THSD7B: variants seen among roughly 807,000 people sequenced by gnomAD.
The protein encoded by THSD7B is thrombospondin type-1 domain-containing protein 7B.
In THSD7B, 138 loss-of-function variants were observed where a neutral mutation model predicts 213.6. The ratio of observed to expected loss-of-function variants is 0.65; its 90% CI spans 0.56 to 0.74. THSD7B has a LOEUF of 0.74. Ranked by LOEUF, THSD7B falls within the 30% of genes least tolerant of loss-of-function variation. The probability of loss-of-function intolerance (pLI) is 0.00; values close to 1 mark genes in which losing one functional copy is unlikely to be tolerated. For synonymous variants in THSD7B, 742 were observed against 687.0 expected (o/e 1.08, Z -1.25); for missense variants, 1,931 against 1,991.5 (o/e 0.97, Z 0.58).
intron 1 of THSD7B, among the ~76,000 whole-genome samples, chr2:136,809,448 G>A (rs1413471604): frequency 3.9e-5 from 6 of 152,164 alleles, no homozygotes; most frequent in African/African-American, 1.4e-4. Context: ...GCTTGGTCTT[G>A]TTGAAGTTGG....
At chr2:137,429,543 TATG>T (rs1687130117) in intron 14 of THSD7B, among the ~76,000 whole-genome samples, 1 of 152,320 alleles carries the variant, frequency 6.6e-6, no homozygotes, top group Admixed American at 6.5e-5. Flanking sequence ...GAGAATCACT[TATG>T]ATAGGAATAG....
At chr2:137,559,119 C>G (rs1434834392) in intron 15 of THSD7B, among the ~76,000 whole-genome samples, 26 of 152,050 alleles carry the variant, frequency 1.7e-4, no homozygotes, top group Admixed American at 3.9e-4. Flanking sequence ...GAATCAATAT[C>G]GTGAAAATGG....
At chr2:137,097,297 C>T (rs1450377251) in intron 4 of THSD7B, among the ~76,000 whole-genome samples, 1 of 152,134 alleles carries the variant, frequency 6.6e-6, no homozygotes, top group African/African-American at 2.4e-5. Flanking sequence ...GCTAAGAAAA[C>T]TGAACTACAT....
At chr2:137,347,600 A>T (rs1380898148) in intron 12 of THSD7B, among the ~76,000 whole-genome samples, 9 of 148,684 alleles carry the variant, frequency 6.1e-5, no homozygotes, top group Non-Finnish European at 1.0e-4. Flanking sequence ...GAAGCAGTAG[A>T]GCATAAGGAA....
Position 136,917,032 on chromosome 2 carries a change from C to G in THSD7B, c.139+34715C>G, listed in dbSNP as rs192085238. 1.1e-4 allele frequency among the ~76,000 whole-genome samples: 17 copies of G among 152,294 alleles called. No individual in the cohort carries two copies. In the East Asian group the frequency reaches 3.3e-3, roughly 29 times the overall value. ...TAGAAATACCTAGAAAAATAGCATT[C>G]AAATTGATACTGGTTTTATCAGTCT... On this transcript the variant is annotated intron_variant, in intron 2 of 27. Transcript: ENST00000409968.
intron 17 of THSD7B, among the ~76,000 whole-genome samples, chr2:137,610,315 G>A (rs1251790547): frequency 1.3e-5 from 2 of 152,072 alleles, no homozygotes; most frequent in African/African-American, 2.4e-5. Flanking sequence ...GATGCTGCTG[G>A]TCCTGGGACC....
chr2:137,295,801 C>T (rs965754908), intron 12 of THSD7B, among the ~76,000 whole-genome samples: 3 of 152,092 alleles, frequency 2.0e-5, no homozygotes, highest in East Asian at 1.9e-4. Context: ...AGTAGAATTT[C>T]CCTGCTTATT....
At chr2:137,498,889 C>T (rs1679636376) in intron 15 of THSD7B, among the ~76,000 whole-genome samples, 1 of 152,176 alleles carries the variant, frequency 6.6e-6, no homozygotes, top group Non-Finnish European at 1.5e-5. Flanking sequence ...TCAGGAATCT[C>T]ATGGAGACCT....
chr2:136,839,823 A>C (rs1296898733), intron 1 of THSD7B, among the ~76,000 whole-genome samples: 6 of 152,170 alleles, frequency 3.9e-5, no homozygotes, highest in African/African-American at 1.4e-4. Context: ...TTTTAAATCA[A>C]AGAAATTAGT....
chr2:137,052,448 G>GT (rs551531778), intron 2 of THSD7B, among the ~76,000 whole-genome samples: 78 of 151,574 alleles, frequency 5.1e-4, no homozygotes, highest in African/African-American at 1.8e-3. Context: ...CTTGGTGTCT[G>GT]TTTTTTTCAC....
chr2:137,609,259 C>T (rs778759166), intron 17 of THSD7B, among the ~76,000 whole-genome samples: 13 of 151,770 alleles, frequency 8.6e-5, no homozygotes, highest in Non-Finnish European at 1.8e-4. Context: ...ACCAGAAGCA[C>T]CAAATTAATA....
At chr2:136,826,896 T>C (rs1264726369) in intron 1 of THSD7B, among the ~76,000 whole-genome samples, 1 of 152,230 alleles carries the variant, frequency 6.6e-6, no homozygotes, top group Non-Finnish European at 1.5e-5. Context: ...ATAATCTCTA[T>C]GTCTGTGTAG....
rs548386111 is a variant in THSD7B, at chr2:137,340,912, A to G, written c.2501-64701A>G. Among the ~76,000 whole-genome samples the G allele has an allele frequency of 1.6e-4, 24 of 151,432 alleles. No individual in the cohort carries two copies. In the South Asian group the frequency reaches 2.3e-3, roughly 14 times the overall value. ...GGGAGTGTGGACATCTCTTCAATAA[A>G]CTGATCTTAAGTCTTTTGGATAAAT... is the stretch of plus-strand genomic sequence containing the variant. On this transcript the variant is annotated intron_variant, in intron 12 of 27. Transcript: ENST00000409968.
At chr2:137,056,037 A>G (rs1318908349) in intron 2 of THSD7B, among the ~76,000 whole-genome samples, 7 of 152,218 alleles carry the variant, frequency 4.6e-5, no homozygotes, top group African/African-American at 1.7e-4. Context: ...ATATTGAGTT[A>G]GATGTATAGG....
chr2:137,397,529 G>T (rs1009297377), intron 12 of THSD7B, among the ~76,000 whole-genome samples: 1 of 151,744 alleles, frequency 6.6e-6, no homozygotes, highest in African/African-American at 2.4e-5. Context: ...TCTGCCAAGA[G>T]ATCCGCTGTT....
At chr2:136,775,192 C>G (rs925097355) in intron 1 of THSD7B, among the ~76,000 whole-genome samples, 23 of 152,032 alleles carry the variant, frequency 1.5e-4, no homozygotes, top group African/African-American at 5.6e-4. Flanking sequence ...TGCCACCTTG[C>G]AGGGTATGTA....
chr2:137,198,071 G>A (rs539876322), intron 7 of THSD7B, among the ~76,000 whole-genome samples: 1 of 152,110 alleles, frequency 6.6e-6, no homozygotes, highest in African/African-American at 2.4e-5. Context: ...CTGCCTGCTT[G>A]CTTTTCATTA....
intron 20 of THSD7B, among the ~76,000 whole-genome samples, chr2:137,628,075 TTAAG>T (rs1159743903): frequency 6.6e-6 from 1 of 152,196 alleles, no homozygotes; most frequent in Non-Finnish European, 1.5e-5. Flanking sequence ...TTAAATGAAA[TTAAG>T]TATTTGAAGA....
chr2:137,325,167 T>TTTTTTGTTTCTG (rs1553439474), intron 12 of THSD7B, among the ~76,000 whole-genome samples: 1 of 151,680 alleles, frequency 6.6e-6, no homozygotes, highest in East Asian at 1.9e-4. Flanking sequence ...TGTTTTTTGT[T>TTTTTTGTTTCTG]TTTTTGTTTT....
Sources: gnomAD v4.1 joint callset for allele counts (sites outside exome capture counted in the v4.1 genomes callset) on GRCh38, gnomAD v4.1.1 for gene constraint, MANE v1.5 for transcripts, NCBI Gene and HGNC (gene_info 2026-07-23, HGNC 2026-07-21) for gene names.